Variants in XYLB observed in about 807,000 individuals in gnomAD.
XYLB encodes the protein xylulokinase.
In XYLB, 62 loss-of-function variants were observed where a neutral mutation model predicts 78.7. The ratio of observed to expected loss-of-function variants is 0.79; its 90% CI spans 0.64 to 0.97. The LOEUF is 0.97. XYLB is among the 50% of genes least tolerant of loss of function. The pLI is 0.00. For missense variants in XYLB, 687 were observed against 676.8 expected, an observed-to-expected ratio of 1.02 and a Z score of -0.17; for synonymous variants, 245 against 247.4, an observed-to-expected ratio of 0.99 and a Z score of 0.09.
the XYLB span, among the ~76,000 whole-genome samples, chr3:38,444,106 T>C: frequency 6.6e-6 from 1 of 152,268 alleles, no homozygotes; most frequent in Non-Finnish European, 1.5e-5. Context: ...GGCCAGGGTT[T>C]GATCTCATAG....
intron 18 of XYLB, among the ~76,000 whole-genome samples, chr3:38,403,581 C>T (rs1708201153): frequency 6.6e-6 from 1 of 152,128 alleles, no homozygotes; most frequent in African/African-American, 2.4e-5. Flanking sequence ...TCTTGCTCAT[C>T]AGGGAGAAAA....
intron 17 of XYLB, among the ~76,000 whole-genome samples, chr3:38,400,644 A>T (rs1345674021): frequency 2.6e-5 from 4 of 152,168 alleles, no homozygotes; most frequent in African/African-American, 9.7e-5. Context: ...CCTGCTGGAG[A>T]CAAGCCTGCA....
intron 2 of XYLB, 70 bp from the exon 3 acceptor site, chr3:38,360,269 G>A (rs1575463269): frequency 1.4e-6 from 2 of 1,404,870 alleles, no homozygotes; most frequent in Non-Finnish European, 2.0e-6. Flanking sequence ...TCCACCATAG[G>A]GTTTCTCCTG....
intron 15 of XYLB, among the ~76,000 whole-genome samples, chr3:38,390,807 G>A (rs196371): frequency 6.6e-6 from 1 of 152,196 alleles, no homozygotes; most frequent in African/African-American, 2.4e-5. Context: ...GTAGGCATAA[G>A]CCACTATGCT....
chr3:38,399,756 G>C (rs1708045453), intron 17 of XYLB, among the ~76,000 whole-genome samples: 1 of 152,050 alleles, frequency 6.6e-6, no homozygotes, highest in Admixed American at 6.6e-5. Flanking sequence ...AGGGTACCTG[G>C]GCCACTGCCC....
the XYLB span, among the ~76,000 whole-genome samples, chr3:38,449,389 C>T: frequency 6.6e-6 from 1 of 152,058 alleles, no homozygotes; most frequent in Admixed American, 6.6e-5. Context: ...CCAAAGTGCT[C>T]AGATTACAGG....
At chr3:38,380,594 A>T (rs1021052109) in intron 15 of XYLB, among the ~76,000 whole-genome samples, 1 of 152,220 alleles carries the variant, frequency 6.6e-6, no homozygotes, top group Non-Finnish European at 1.5e-5. Context: ...TACTATAAAA[A>T]TACCTATTAG....
chr3:38,397,633 T>C (rs1353699676), intron 17 of XYLB, among the ~76,000 whole-genome samples: 1 of 152,008 alleles, frequency 6.6e-6, no homozygotes, highest in Non-Finnish European at 1.5e-5. Context: ...ACTCTGGGTA[T>C]TAAGGGAAGC....
the XYLB span, chr3:38,450,992 G>C: frequency 4.6e-5 from 7 of 152,142 alleles, no homozygotes; most frequent in Non-Finnish European, 8.8e-5. Flanking sequence ...CCTGCTGCTC[G>C]GTGCACAGAA....
the XYLB span, chr3:38,453,017 C>CCCAT: frequency 6.6e-6 from 1 of 152,108 alleles, no homozygotes; most frequent in Non-Finnish European, 1.5e-5. Context: ...AGTTGGGAGC[C>CCCAT]CCATCACGTT....
intron 9 of XYLB, 44 bp downstream of exon 9, chr3:38,370,218 G>A (rs940139408): frequency 4.5e-6 from 6 of 1,322,592 alleles, no homozygotes; most frequent in Non-Finnish European, 6.5e-6. Flanking sequence ...AGAGCTGGCA[G>A]CTACCAGGGA....
chr3:38,358,634 G>A (rs1188051224), intron 2 of XYLB, among the ~76,000 whole-genome samples: 10 of 151,970 alleles, frequency 6.6e-5, no homozygotes, highest in Non-Finnish European at 1.3e-4. Context: ...ATGAGCCACC[G>A]TGCCCAGCCG....
At position 38,370,185 on chromosome 3, in the gene XYLB, T is replaced by C; in HGVS notation, c.765+11T>C. On this transcript the variant is annotated intron_variant, in intron 9 of 18. Coordinates refer to ENST00000207870, the MANE Select transcript of XYLB (RefSeq NM_005108.4). ...TCATGCTCAGTTGTGGTAGGTCTCC[T>C]TTCTGGTGATGTGGCTCATTTAAGA... 6.2e-7 allele frequency: 1 copy of C among 1,609,608 alleles called. No homozygotes were observed. The highest frequency in any genetic ancestry group is 8.5e-7 in the Non-Finnish European group (1 of 1,176,066).
intron 2 of XYLB, among the ~76,000 whole-genome samples, chr3:38,355,157 C>A (rs1209734235): frequency 6.6e-6 from 1 of 152,214 alleles, no homozygotes; most frequent in Non-Finnish European, 1.5e-5. Flanking sequence ...CTCAAGCAGC[C>A]TTATGTGCTT....
chr3:38,395,415 C>A, intron 15 of XYLB, 90 bp from the exon 16 acceptor site: 1 of 1,188,518 alleles, frequency 8.4e-7, no homozygotes, highest in South Asian at 1.3e-5. Flanking sequence ...CCATCATGAG[C>A]CCTCTGTAGC....
chr3:38,373,988 A>G (rs778797590), intron 10 of XYLB, among the ~76,000 whole-genome samples: 5 of 151,792 alleles, frequency 3.3e-5, no homozygotes, highest in Non-Finnish European at 7.4e-5. Flanking sequence ...ACTGCACTCC[A>G]GCCTGGGTGA....
At chr3:38,373,569 G>A (rs1245646641) in intron 10 of XYLB, among the ~76,000 whole-genome samples, 2 of 152,150 alleles carry the variant, frequency 1.3e-5, no homozygotes, top group Non-Finnish European at 2.9e-5. Flanking sequence ...CCTGATGGAT[G>A]GAGGGTGGTG....
chr3:38,392,550 G>T (rs532890988), intron 15 of XYLB, among the ~76,000 whole-genome samples: 1 of 152,270 alleles, frequency 6.6e-6, no homozygotes, highest in Admixed American at 6.5e-5. Flanking sequence ...ACCCGTCTCG[G>T]TCTCCCAAAG....
chr3:38,450,589 C>T, the XYLB span, among the ~76,000 whole-genome samples: 28 of 152,176 alleles, frequency 1.8e-4, 1 homozygote, highest in East Asian at 5.4e-3. Context: ...TTTTGGTCAC[C>T]CGATGTCTGA....
Sources: gnomAD v4.1 joint callset for allele counts (sites outside exome capture counted in the v4.1 genomes callset) on GRCh38, gnomAD v4.1.1 for gene constraint, MANE v1.5 for transcripts, NCBI Gene and HGNC (gene_info 2026-07-23, HGNC 2026-07-21) for gene names.